KCNMA1: variants seen among roughly 807,000 people sequenced by gnomAD.
KCNMA1 encodes the protein Calcium-activated potassium channel subunit alpha-1.
Under a neutral mutation model 140.0 loss-of-function variants are expected in KCNMA1, and 29 were observed. The observed-to-expected ratio is 0.21, with a 90% CI of 0.15 to 0.28. The LOEUF is 0.28. KCNMA1 is among the 10% of genes least tolerant of loss of function. KCNMA1 has a pLI of 1.00. For missense variants in KCNMA1, 880 were observed against 1,602.2 expected (o/e 0.55, Z 7.70); for synonymous variants, 612 against 611.9 (o/e 1.00, Z 0.00).
intron 3 of KCNMA1, among the ~76,000 whole-genome samples, chr10:77,201,737 C>T (rs550272128): frequency 6.6e-6 from 1 of 151,982 alleles, no homozygotes; most frequent in African/African-American, 2.4e-5. Context: ...AAGAGAATTT[C>T]ATTGTGCTGA....
chr10:77,400,303 C>T (rs182342473), intron 2 of KCNMA1, among the ~76,000 whole-genome samples: 1 of 152,364 alleles, frequency 6.6e-6, no homozygotes, highest in African/African-American at 2.4e-5. Flanking sequence ...GTCCCACTTG[C>T]TCTGCATGGC....
intron 14 of KCNMA1, among the ~76,000 whole-genome samples, chr10:77,070,922 C>T (rs1436340914): frequency 6.6e-6 from 1 of 152,154 alleles, no homozygotes; most frequent in East Asian, 1.9e-4. Context: ...AGGTCATGTA[C>T]CTTAGCCAAT....
At chr10:77,569,224 G>C (rs1325352693) in intron 1 of KCNMA1, among the ~76,000 whole-genome samples, 1 of 81,176 alleles carries the variant, frequency 1.2e-5, no homozygotes, top group Non-Finnish European at 2.5e-5. Context: ...TCACAGAATT[G>C]GAAAAAACTA....
chr10:76,899,548 G>A (rs2044142883), intron 25 of KCNMA1, among the ~76,000 whole-genome samples: 1 of 152,116 alleles, frequency 6.6e-6, no homozygotes. Flanking sequence ...ATTTGTTTAT[G>A]TATTGTCTGG....
intron 1 of KCNMA1, among the ~76,000 whole-genome samples, chr10:77,406,283 C>T (rs57811614): frequency 2.8e-5 from 3 of 107,478 alleles, no homozygotes; most frequent in South Asian, 3.0e-4. Flanking sequence ...GGTGTAGATT[C>T]GGGGGAAAAT....
Position 77,027,888 on chromosome 10 carries a change from C to T in KCNMA1, c.1863G>A (p.Leu621=). 2 of 1,613,544 alleles carry T rather than the reference C, an allele frequency of 1.2e-6. No homozygotes were observed. Among genetic ancestry groups the T allele is most frequent in the Non-Finnish European group, 1.7e-6 (2 of 1,179,714 alleles). Residue 621 remains leucine, a synonymous_variant, in exon 16 of 28, where the codon CTG becomes CTA. Transcript: ENST00000286628. ...TTAGGAGCTTGAGCTTCACAAAACA[C>T]AGCCTGCAATGAGATGGAGAAGCCT... ...VGLSFPTVCE[L]CFVKLKLLMI...
At position 77,474,660 on chromosome 10, in the gene KCNMA1, C is replaced by T. The variant is rs2098239785; in HGVS notation, c.379-70637G>A. ...CATTCTTTTTTTTTTCTCTCTCTCC[C>T]AAAGACTGGACAGCCAAACAACACA... is the stretch of plus-strand genomic sequence containing the variant. On this transcript the variant is annotated intron_variant, in intron 1 of 27. Coordinates refer to ENST00000286628, the MANE Select transcript of KCNMA1 (RefSeq NM_001161352.2). 3.3e-5 allele frequency among the ~76,000 whole-genome samples: 5 copies of T among 152,116 alleles called. No individual in the cohort carries two copies. The South Asian group carries it at 1.0e-3, about 32-fold the overall frequency.
intron 1 of KCNMA1, among the ~76,000 whole-genome samples, chr10:77,582,206 G>C (rs374911580): frequency 6.6e-6 from 1 of 152,202 alleles, no homozygotes; most frequent in African/African-American, 2.4e-5. Context: ...CTCTGGAGCT[G>C]GTCTGCCTGG....
chr10:77,038,374 A>G (rs927460727), intron 15 of KCNMA1, among the ~76,000 whole-genome samples: 16 of 152,148 alleles, frequency 1.1e-4, no homozygotes, highest in African/African-American at 3.9e-4. Flanking sequence ...TTTCTTCCTC[A>G]GCCCAGTGAG....
intron 2 of KCNMA1, among the ~76,000 whole-genome samples, chr10:77,400,744 G>A (rs115815081): frequency 5.5e-4 from 84 of 152,250 alleles, no homozygotes; most frequent in African/African-American, 2.0e-3. Flanking sequence ...CAACACAACA[G>A]CAATAAGGAG....
At chr10:77,012,693 A>C in intron 17 of KCNMA1, 1 of 719,332 alleles carries the variant, frequency 1.4e-6, no homozygotes, top group African/African-American at 1.8e-5. Context: ...ACATGCACTA[A>C]ATGATGGTTT....
intron 2 of KCNMA1, among the ~76,000 whole-genome samples, chr10:77,303,402 C>T (rs1026395235): frequency 7.2e-5 from 11 of 152,174 alleles, no homozygotes; most frequent in African/African-American, 2.4e-4. Flanking sequence ...TAGACTTCTA[C>T]TACTTAAGTC....
intron 14 of KCNMA1, among the ~76,000 whole-genome samples, chr10:77,071,924 CA>C (rs1202585055): frequency 6.6e-5 from 10 of 152,160 alleles, no homozygotes; most frequent in African/African-American, 2.4e-4. Flanking sequence ...CATAGGTGCC[CA>C]AGGTGAGCAC....
At chr10:77,467,146 C>T (rs2098039985) in intron 1 of KCNMA1, among the ~76,000 whole-genome samples, 1 of 152,170 alleles carries the variant, frequency 6.6e-6, no homozygotes, top group Admixed American at 6.5e-5. Context: ...CATCACCTCT[C>T]CTGGCTCTTG....
chr10:76,875,767 C>G (rs1255414092), downstream of KCNMA1: 1 of 152,578 alleles, frequency 6.6e-6, no homozygotes, highest in African/African-American at 2.4e-5. Flanking sequence ...GCCTAGCTTT[C>G]AGGAAAGTTG....
At chr10:77,595,134 T>G (rs1458542714) in intron 1 of KCNMA1, among the ~76,000 whole-genome samples, 3 of 151,980 alleles carry the variant, frequency 2.0e-5, no homozygotes, top group African/African-American at 7.2e-5. Flanking sequence ...TCACGTGAGG[T>G]GAGGAGTTCG....
In KCNMA1 at chr10:77,367,446, T is replaced by C. The variant is rs190453746; in HGVS notation, c.540+36416A>G. 4.6e-4 allele frequency among the ~76,000 whole-genome samples: 70 copies of C among 152,278 alleles called. 1 individual carries two copies. Among genetic ancestry groups the C allele is most frequent in the Admixed American group, 1.6e-3 (24 of 15,300 alleles). On this transcript the variant is annotated intron_variant, in intron 2 of 27. Transcript: ENST00000286628. ...TCTGTAGAGCCTAACCCCCTCCACT[T>C]GTGTTCCCAAGAGCCCCAGCATCAC...
At chr10:77,438,696 C>T (rs1278144429) in intron 1 of KCNMA1, among the ~76,000 whole-genome samples, 1 of 152,056 alleles carries the variant, frequency 6.6e-6, no homozygotes, top group Non-Finnish European at 1.5e-5. Context: ...CCCAAGGTAA[C>T]ACAGCTAAAA....
chr10:77,375,460 C>T (rs114724279), intron 2 of KCNMA1, among the ~76,000 whole-genome samples: 159 of 152,314 alleles, frequency 1.0e-3, no homozygotes, highest in Middle Eastern at 3.4e-3. Flanking sequence ...GGAATTCACG[C>T]GGCTGTTAAT....
Sources: gnomAD v4.1 joint callset for allele counts (sites outside exome capture counted in the v4.1 genomes callset) on GRCh38, gnomAD v4.1.1 for gene constraint, MANE v1.5 for transcripts, NCBI Gene and HGNC (gene_info 2026-07-23, HGNC 2026-07-21) for gene names.